CACNA1C: variants seen among roughly 807,000 people sequenced by gnomAD.
The protein encoded by CACNA1C is voltage-dependent L-type calcium channel subunit alpha-1C.
A neutral mutation model predicts 229.0 loss-of-function variants in CACNA1C; 30 were observed. That is an observed-to-expected ratio of 0.13 (90% CI 0.10 to 0.18). CACNA1C has a LOEUF of 0.18. CACNA1C is among the 10% of genes least tolerant of loss of function. The pLI is 1.00. For missense variants in CACNA1C, 1,658 were observed against 2,845.0 expected (o/e 0.58, Z 9.49); for synonymous variants, 1,114 against 1,132.5 (o/e 0.98, Z 0.33).
intron 1 of CACNA1C, among the ~76,000 whole-genome samples, chr12:1,985,269 C>T (rs117312006): frequency 0.027 from 4,144 of 152,170 alleles, 94 homozygotes; most frequent in Middle Eastern, 0.061. Context: ...TATTGCCCCA[C>T]GGATTTCTGA....
At chr12:2,618,954 C>G (rs755197426) in intron 29 of CACNA1C, among the ~76,000 whole-genome samples, 7 of 152,240 alleles carry the variant, frequency 4.6e-5, no homozygotes, top group Non-Finnish European at 8.8e-5. Flanking sequence ...AGGAATCATC[C>G]TCTTCCAACT....
intron 3 of CACNA1C, among the ~76,000 whole-genome samples, chr12:2,408,722 G>T (rs142124208): frequency 6.6e-6 from 1 of 152,096 alleles, no homozygotes; most frequent in African/African-American, 2.4e-5. Context: ...AAGTCTCCAG[G>T]CCACTTTATG....
intron 19 of CACNA1C, 74 bp downstream of exon 19, chr12:2,593,419 T>G (rs908891121): frequency 5.4e-5 from 82 of 1,520,948 alleles, no homozygotes; most frequent in Non-Finnish European, 7.1e-5. Context: ...GTATTTTACC[T>G]GAACCTCTGG....
chr12:2,204,345 G>T (rs1243383528), intron 3 of CACNA1C, among the ~76,000 whole-genome samples: 4 of 152,064 alleles, frequency 2.6e-5, no homozygotes, highest in Non-Finnish European at 5.9e-5. Flanking sequence ...GTAGATTCTG[G>T]ATATTAGCCC....
intron 3 of CACNA1C, among the ~76,000 whole-genome samples, chr12:2,388,184 A>T (rs970894857): frequency 6.6e-6 from 1 of 152,250 alleles, no homozygotes; most frequent in Non-Finnish European, 1.5e-5. Context: ...TTTCTGTTGT[A>T]AAATGAGTAA....
intron 3 of CACNA1C, among the ~76,000 whole-genome samples, chr12:2,123,545 TC>T (rs2088119161): frequency 1.3e-5 from 2 of 152,020 alleles, no homozygotes; most frequent in Admixed American, 1.3e-4. Context: ...TGCCAATACC[TC>T]AAACAAGCCC....
rs879861773 is a variant in CACNA1C at position 2,354,926 on chromosome 12, G to A, written c.478-94050G>A. 1.1e-4 allele frequency among the ~76,000 whole-genome samples: 17 copies of A among 152,212 alleles called. No homozygotes were observed. The highest frequency in any genetic ancestry group is 2.2e-4 in the Non-Finnish European group (15 of 68,020). ...TTTACATTACCCAGGTGTGCACTTGGGCAGGCTGAGCGACCTGAGTGAAAT... is the reference window on the plus strand; with the variant it reads ...TTTACATTACCCAGGTGTGCACTTGAGCAGGCTGAGCGACCTGAGTGAAAT... On this transcript the variant is annotated intron_variant, in intron 3 of 46. Coordinates refer to ENST00000399655, the MANE Select transcript of CACNA1C (RefSeq NM_000719.7). This position sits in a 1 kb window ranked among gnomAD's most constrained non-coding sequence, Gnocchi z 4.6.
At chr12:2,480,247 C>T (rs576696016) in intron 5 of CACNA1C, among the ~76,000 whole-genome samples, 5 of 152,262 alleles carry the variant, frequency 3.3e-5, no homozygotes, top group East Asian at 1.9e-4. Flanking sequence ...ATCCAGGCTA[C>T]GTCGCAGTCT....
intron 3 of CACNA1C, among the ~76,000 whole-genome samples, chr12:2,225,773 A>G (rs1267960206): frequency 2.6e-5 from 4 of 152,190 alleles, no homozygotes; most frequent in Non-Finnish European, 5.9e-5. Flanking sequence ...TCTTGTGAAT[A>G]TTGTGGTCAT....
intron 1 of CACNA1C, among the ~76,000 whole-genome samples, chr12:2,045,449 G>T (rs2050877576): frequency 6.6e-6 from 1 of 152,178 alleles, no homozygotes. Flanking sequence ...AGCTGAGTTG[G>T]CTTGGCCAGG....
At chr12:2,088,197 G>C (rs977656980) in intron 1 of CACNA1C, among the ~76,000 whole-genome samples, 1 of 152,322 alleles carries the variant, frequency 6.6e-6, no homozygotes, top group African/African-American at 2.4e-5. Context: ...CCGTATGCTG[G>C]TTCTTTGGTT....
intron 3 of CACNA1C, among the ~76,000 whole-genome samples, chr12:2,349,626 C>T (rs1206225502): frequency 2.0e-5 from 3 of 152,050 alleles, no homozygotes; most frequent in African/African-American, 7.2e-5. Flanking sequence ...TGTCTGGACT[C>T]AGGAGGAAGG....
chr12:2,673,339 G>C (rs999296669), intron 38 of CACNA1C, among the ~76,000 whole-genome samples: 4 of 152,206 alleles, frequency 2.6e-5, no homozygotes, highest in Non-Finnish European at 2.9e-5. Context: ...GGTGGCCCAT[G>C]CCTGTAATCC....
intron 8 of CACNA1C, among the ~76,000 whole-genome samples, chr12:2,507,161 C>T (rs2099773649): frequency 6.6e-6 from 1 of 152,212 alleles, no homozygotes; most frequent in African/African-American, 2.4e-5. Context: ...GCTGGTCTTT[C>T]CTGGAGACCT....
chr12:2,635,203 G>A (rs1413872838), intron 30 of CACNA1C, among the ~76,000 whole-genome samples: 6 of 151,976 alleles, frequency 3.9e-5, no homozygotes, highest in African/African-American at 9.7e-5. Context: ...TCTGGCTCCC[G>A]AGCCTCAGAC....
intron 3 of CACNA1C, among the ~76,000 whole-genome samples, chr12:2,361,685 C>T (rs1180984941): frequency 6.6e-6 from 1 of 152,174 alleles, no homozygotes; most frequent in Non-Finnish European, 1.5e-5. Flanking sequence ...TCCCTTCAGA[C>T]ATCTTTTATG....
chr12:2,494,732 T>G (rs2099743245), intron 7 of CACNA1C, among the ~76,000 whole-genome samples: 2 of 152,250 alleles, frequency 1.3e-5, no homozygotes, highest in African/African-American at 4.8e-5. Context: ...ATATGATTTC[T>G]TTAAAAGCAC....
chr12:2,408,542 G>T (rs1476801585), intron 3 of CACNA1C, among the ~76,000 whole-genome samples: 1 of 151,002 alleles, frequency 6.6e-6, no homozygotes, highest in Non-Finnish European at 1.5e-5. Context: ...GGGTTCCCCA[G>T]GAATCCAGAG....
chr12:2,609,568 G>T (rs926803434), intron 27 of CACNA1C, among the ~76,000 whole-genome samples: 1 of 149,200 alleles, frequency 6.7e-6, no homozygotes, highest in Non-Finnish European at 1.5e-5. Context: ...ATTAGACCCC[G>T]ATCTAGTATC....
Sources: gnomAD v4.1 joint callset for allele counts (sites outside exome capture counted in the v4.1 genomes callset) on GRCh38, gnomAD v4.1.1 for gene constraint, Gnocchi (gnomAD v3.1) non-coding constraint, MANE v1.5 for transcripts, NCBI Gene and HGNC (gene_info 2026-07-23, HGNC 2026-07-21) for gene names.